Variants in SESN3 observed in about 807,000 individuals in gnomAD.
SESN3 encodes sestrin-3.
In SESN3, 21 loss-of-function variants were observed where a neutral mutation model predicts 55.3. That is an observed-to-expected ratio of 0.38 (90% confidence interval 0.27 to 0.55). The LOEUF (loss-of-function observed/expected upper bound fraction) is 0.55, where lower values mean the gene tolerates loss of function less well. SESN3 is among the 20% of genes least tolerant of loss of function. SESN3 has a pLI of 0.76. For synonymous variants in SESN3, 181 were observed against 203.1 expected (o/e 0.89, Z 0.93); for missense variants, 408 against 604.3 (o/e 0.68, Z 3.41).
chr11:95,175,460 ACT>A, intron 9 of SESN3, 36 bp downstream of exon 9: 1 of 1,537,606 alleles, frequency 6.5e-7, no homozygotes, highest in Non-Finnish European at 8.9e-7. Context: ...GTACTGAAGA[ACT>A]GTCTATGGTA....
chr11:95,210,482 G>A (rs913647570), intron 1 of SESN3, among the ~76,000 whole-genome samples: 1 of 152,182 alleles, frequency 6.6e-6, no homozygotes, highest in South Asian at 2.1e-4. Flanking sequence ...GAAATAAGAC[G>A]TAACAATGTA....
chr11:95,216,587 A>G (rs1336785428), intron 1 of SESN3, among the ~76,000 whole-genome samples: 1 of 152,004 alleles, frequency 6.6e-6, no homozygotes, highest in East Asian at 1.9e-4. Flanking sequence ...TAAATAATCT[A>G]TATCTAACTA....
intron 8 of SESN3, among the ~76,000 whole-genome samples, chr11:95,176,482 C>T (rs1859958314): frequency 6.6e-6 from 1 of 152,092 alleles, no homozygotes; most frequent in Non-Finnish European, 1.5e-5. Context: ...ATTGCTAGAA[C>T]TGAGATCTTT....
Position 95,171,400 on chromosome 11 carries a change from T to C in SESN3, c.*1855A>G, listed in dbSNP as rs1859846815. On this transcript the variant is annotated 3_prime_UTR_variant, in exon 10 of 10. Transcript: ENST00000536441. Reference sequence around the variant, plus strand: ...AGTAATTTTTTCCTCACATGGAAGATTTCAAACAGGATCCTGGAATCCAAA... The same window carrying C: ...AGTAATTTTTTCCTCACATGGAAGACTTCAAACAGGATCCTGGAATCCAAA... 6.6e-6 allele frequency: 1 copy of C among 152,160 alleles called. No individual in the cohort carries two copies. Among genetic ancestry groups the C allele is most frequent in the Non-Finnish European group, 1.5e-5 (1 of 68,000 alleles). The allele number at this position is 152,160 out of a possible 1,614,324, so 9.4% of individuals were successfully genotyped here. A position where few individuals can be genotyped will look rare whatever the true frequency, so the allele number is the denominator to read the frequency against.
Position 95,191,606 on chromosome 11 carries a change from T to C in SESN3, c.145-5A>G, listed in dbSNP as rs752309663. 5.6e-6 allele frequency: 9 copies of C among 1,608,850 alleles called. No individual in the cohort carries two copies. The highest frequency in any genetic ancestry group is 5.5e-5 in the South Asian group (5 of 90,740). ...CACTGTGTTTGCTTGGACAACCTTA[T>C]AACCAAAAAAAACAAAACAAAATGA... On this transcript the variant is annotated splice_polypyrimidine_tract_variant and splice_region_variant and intron_variant, in intron 2 of 9. Transcript: ENST00000536441.
At position 95,166,542 on chromosome 11, in the gene SESN3, T is replaced by C. The variant is rs565778359; in HGVS notation, c.*6713A>G. ...AATATATACATTCATTATGTAGCTG[T>C]CCTGCAAAACCAGGATTTTTTAAAA... On this transcript the variant is annotated 3_prime_UTR_variant, in exon 10 of 10. Coordinates refer to ENST00000536441, the MANE Select transcript of SESN3 (RefSeq NM_144665.4). 1.3e-5 allele frequency: 2 copies of C among 152,370 alleles called. No homozygotes were observed. Among genetic ancestry groups the C allele is most frequent in the African/African-American group, 4.8e-5 (2 of 41,598 alleles). The allele number at this position is 152,370 out of a possible 1,614,324, so 9.4% of individuals were successfully genotyped here. A position where few individuals can be genotyped will look rare whatever the true frequency, so the allele number is the denominator to read the frequency against.
chr11:95,209,996 A>C (rs367691762), intron 1 of SESN3, among the ~76,000 whole-genome samples: 2 of 146,758 alleles, frequency 1.4e-5, no homozygotes, highest in African/African-American at 5.0e-5. Context: ...CAACCTGGGC[A>C]ACAAGAGTGA....
chr11:95,185,180 A>G (rs1860139742), intron 5 of SESN3, 76 bp downstream of exon 5: 1 of 835,514 alleles, frequency 1.2e-6, no homozygotes, highest in Non-Finnish European at 1.9e-6. Flanking sequence ...TAATTGGAGA[A>G]AAATTCTCTC....
intron 7 of SESN3, 138 bp from the exon 8 acceptor site, chr11:95,178,047 T>C: frequency 1.6e-6 from 1 of 616,166 alleles, no homozygotes; most frequent in African/African-American, 1.9e-5. Context: ...ACTAAGGCTT[T>C]ACCAATAACC....
chr11:95,179,159 G>GTTTT (rs1555118233), intron 6 of SESN3, among the ~76,000 whole-genome samples: 1 of 145,340 alleles, frequency 6.9e-6, no homozygotes. Context: ...AGCTTAACCA[G>GTTTT]TTTTTTTTTT....
chr11:95,175,789 A>C (rs1859944967), intron 8 of SESN3, 147 bp from the exon 9 acceptor site: 1 of 664,458 alleles, frequency 1.5e-6, no homozygotes, highest in African/African-American at 1.8e-5. Flanking sequence ...AGTACCCATT[A>C]TGTGCCATGA....
intron 9 of SESN3, among the ~76,000 whole-genome samples, chr11:95,173,841 A>G (rs958428503): frequency 6.6e-6 from 1 of 152,166 alleles, no homozygotes; most frequent in South Asian, 2.1e-4. Flanking sequence ...TAGCTTCCCT[A>G]GAGTCTTTCA....
At chr11:95,202,550 T>C (rs1029921972) in intron 1 of SESN3, among the ~76,000 whole-genome samples, 6 of 152,094 alleles carry the variant, frequency 3.9e-5, no homozygotes, top group South Asian at 2.1e-4. Flanking sequence ...TAATATTCCA[T>C]GCTGTGACAC....
At chr11:95,199,085 TGAAA>T (rs1477340122) in intron 1 of SESN3, among the ~76,000 whole-genome samples, 3 of 151,988 alleles carry the variant, frequency 2.0e-5, no homozygotes, top group African/African-American at 7.2e-5. Context: ...CTAAAAAGAA[TGAAA>T]GAAATTATCT....
rs1272469645 is a variant in SESN3, at chr11:95,165,942, A to G, written c.*7313T>C. On this transcript the variant is annotated 3_prime_UTR_variant, in exon 10 of 10. Coordinates refer to ENST00000536441, the MANE Select transcript of SESN3 (RefSeq NM_144665.4). ...ATACAAAAGCTTTCATGGGTTCTAG[A>G]ACCTTCTTAACTGCTGATTCATGTG... is the stretch of plus-strand genomic sequence containing the variant. 6.6e-6 allele frequency: 1 copy of G among 152,204 alleles called. No homozygotes were observed. Among genetic ancestry groups the G allele is most frequent in the Non-Finnish European group, 1.5e-5 (1 of 68,026 alleles). 9.4% of individuals were successfully genotyped at this position (152,204 alleles called of 1,614,324 possible).
chr11:95,182,579 G>A (rs969362254), intron 6 of SESN3, among the ~76,000 whole-genome samples: 13 of 152,118 alleles, frequency 8.5e-5, no homozygotes, highest in African/African-American at 3.1e-4. Flanking sequence ...TTCAACTTCT[G>A]CATCTCAACA....
chr11:95,196,457 ATTTTT>A (rs143884275), intron 1 of SESN3, among the ~76,000 whole-genome samples: 1 of 146,778 alleles, frequency 6.8e-6, no homozygotes, highest in Non-Finnish European at 1.5e-5. Flanking sequence ...CAAAAGATTG[ATTTTT>A]TTTTTTTTAA....
In SESN3 at chr11:95,168,388, TAGAA is replaced by T. The variant is rs1055028330; in HGVS notation, c.*4863_*4866del. 1.3e-5 allele frequency: 2 copies of T among 152,234 alleles called. No homozygotes were observed. Among genetic ancestry groups the T allele is most frequent in the Non-Finnish European group, 2.9e-5 (2 of 68,034 alleles). 9.4% of individuals were successfully genotyped at this position (152,234 alleles called of 1,614,324 possible). On this transcript the variant is annotated 3_prime_UTR_variant, in exon 10 of 10. Coordinates refer to ENST00000536441, the MANE Select transcript of SESN3 (RefSeq NM_144665.4). Reference sequence around the variant, plus strand: ...CTGTTATATGCTAAATTCTGAACGATAGAAATAGTTCAATTTCTGTATCATGTAT... The same window carrying T: ...CTGTTATATGCTAAATTCTGAACGATATAGTTCAATTTCTGTATCATGTAT...
chr11:95,180,734 T>C (rs1467486888), intron 6 of SESN3, among the ~76,000 whole-genome samples: 1 of 152,138 alleles, frequency 6.6e-6, no homozygotes. Flanking sequence ...ATTAAATGCT[T>C]AAATTGATCT....
Sources: gnomAD v4.1 joint callset for allele counts (sites outside exome capture counted in the v4.1 genomes callset) on GRCh38, gnomAD v4.1.1 for gene constraint, MANE v1.5 for transcripts, NCBI Gene and HGNC (gene_info 2026-07-23, HGNC 2026-07-21) for gene names.